GRID2: variants seen among roughly 807,000 people sequenced by gnomAD.
GRID2 encodes the protein glutamate receptor ionotropic, delta-2.
In GRID2, 33 loss-of-function variants were observed where a neutral mutation model predicts 114.8. That is an observed-to-expected ratio of 0.29 (90% CI 0.22 to 0.38). GRID2 has a LOEUF of 0.38. GRID2 is among the 10% of genes least tolerant of loss of function. The pLI, the probability that GRID2 is intolerant of heterozygous loss-of-function variation, is 1.00. For missense variants in GRID2, 1,184 were observed against 1,257.7 expected (o/e 0.94, Z 0.89); for synonymous variants, 505 against 449.9 (o/e 1.12, Z -1.55).
intron 2 of GRID2, among the ~76,000 whole-genome samples, chr4:92,868,172 A>G (rs961479777): frequency 6.6e-6 from 1 of 151,786 alleles, no homozygotes; most frequent in African/African-American, 2.4e-5. Context: ...CTATTACTCC[A>G]TAAACTTTGA....
chr4:93,362,587 A>G (rs1422579746), intron 8 of GRID2, among the ~76,000 whole-genome samples: 4 of 151,984 alleles, frequency 2.6e-5, no homozygotes, highest in Non-Finnish European at 5.9e-5. Flanking sequence ...TTCCCCTTCC[A>G]TAGTGCCTTA....
Position 93,011,896 on chromosome 4 carries a change from T to C in GRID2, c.245-73099T>C, listed in dbSNP as rs1405379105. Reference sequence around the variant, plus strand: ...TTTAAGCTTCCTAAATCGGATCTGCTTCTAGCTTCGGTTTTATAATGTACA... The same window carrying C: ...TTTAAGCTTCCTAAATCGGATCTGCCTCTAGCTTCGGTTTTATAATGTACA... On this transcript the variant is annotated intron_variant, in intron 2 of 15. Transcript: ENST00000282020. Among the ~76,000 whole-genome samples the C allele has an allele frequency of 5.9e-5, 9 of 152,008 alleles. No individual in the cohort carries two copies. In the South Asian group the frequency reaches 1.0e-3, roughly 17 times the overall value.
At chr4:93,178,352 G>C (rs904333371) in intron 4 of GRID2, among the ~76,000 whole-genome samples, 2 of 113,186 alleles carry the variant, frequency 1.8e-5, no homozygotes, top group Non-Finnish European at 3.9e-5. Context: ...TTTATATTTA[G>C]TGCTTATATT....
chr4:93,071,033 G>A (rs1321380701), intron 2 of GRID2, among the ~76,000 whole-genome samples: 3 of 151,970 alleles, frequency 2.0e-5, no homozygotes, highest in Non-Finnish European at 4.4e-5. Context: ...ATATATTCTA[G>A]TCTTATTACA....
intron 8 of GRID2, among the ~76,000 whole-genome samples, chr4:93,284,044 T>C (rs1366977189): frequency 6.6e-6 from 1 of 152,078 alleles, no homozygotes; most frequent in Non-Finnish European, 1.5e-5. Context: ...TTTTTTCACA[T>C]CTAGTTTGAT....
intron 7 of GRID2, among the ~76,000 whole-genome samples, chr4:93,232,296 T>C (rs963380166): frequency 1.3e-5 from 2 of 152,152 alleles, no homozygotes; most frequent in Non-Finnish European, 2.9e-5. Flanking sequence ...TTTCTATGTA[T>C]TCTATATTAG....
chr4:93,769,367 G>T lies in GRID2; in HGVS notation c.2518G>T (p.Ala840Ser), dbSNP rs756406273. Residue 840 changes from alanine (A) to serine (S), a missense_variant, in exon 15 of 16, where the codon GCT (alanine) becomes TCT (serine). By Grantham distance (99) the Ala-to-Ser change is moderately conservative. Coordinates refer to ENST00000282020, the MANE Select transcript of GRID2 (RefSeq NM_001510.4). The part of the protein sequence containing the change: ...SFAGVFCILA[A>S]GIVLSCFIAM... ...TGCAGGGGTCTTTTGTATCCTGGCT[G>T]CTGGAATTGTCCTCTCCTGCTTCAT... The T allele has an allele frequency of 6.2e-6, 10 of 1,613,848 alleles. No individual in the cohort carries two copies. The South Asian group carries it at 9.9e-5, about 16-fold the overall frequency.
intron 8 of GRID2, among the ~76,000 whole-genome samples, chr4:93,257,964 C>T (rs565526313): frequency 4.3e-5 from 6 of 138,666 alleles, no homozygotes; most frequent in Non-Finnish European, 7.6e-5. Context: ...TACATATACA[C>T]ACAATATGTG....
intron 2 of GRID2, among the ~76,000 whole-genome samples, chr4:92,972,770 C>G (rs1254068858): frequency 6.6e-6 from 1 of 152,006 alleles, no homozygotes; most frequent in African/African-American, 2.4e-5. Context: ...CTTCCACCCT[C>G]TGAAAGGCCC....
chr4:93,144,959 C>T (rs1387885126), intron 4 of GRID2, among the ~76,000 whole-genome samples: 1 of 151,120 alleles, frequency 6.6e-6, no homozygotes, highest in East Asian at 2.0e-4. Flanking sequence ...CAGGCCAAAA[C>T]AAAACCATCT....
chr4:93,764,559 G>C (rs1318390407), intron 14 of GRID2, among the ~76,000 whole-genome samples: 1 of 152,100 alleles, frequency 6.6e-6, no homozygotes, highest in Non-Finnish European at 1.5e-5. Flanking sequence ...CACTGAGATC[G>C]TCACGTGTGG....
intron 8 of GRID2, among the ~76,000 whole-genome samples, chr4:93,317,055 G>A (rs1007126267): frequency 6.6e-6 from 1 of 152,040 alleles, no homozygotes; most frequent in African/African-American, 2.4e-5. Context: ...AAGCATTGCA[G>A]GATCATTTTT....
intron 2 of GRID2, among the ~76,000 whole-genome samples, chr4:92,640,102 T>C (rs1165989977): frequency 6.6e-6 from 1 of 151,646 alleles, no homozygotes; most frequent in East Asian, 1.9e-4. Context: ...AATCCTCAAA[T>C]AAAATTAGCT....
At chr4:92,881,373 C>T (rs1255616718) in intron 2 of GRID2, among the ~76,000 whole-genome samples, 1 of 152,108 alleles carries the variant, frequency 6.6e-6, no homozygotes, top group Non-Finnish European at 1.5e-5. Flanking sequence ...TAACATTTAC[C>T]TGTCACTTTC....
intron 2 of GRID2, among the ~76,000 whole-genome samples, chr4:92,648,006 G>T (rs1434781437): frequency 1.3e-5 from 2 of 149,522 alleles, no homozygotes; most frequent in Non-Finnish European, 3.0e-5. Context: ...CCTTTACTTT[G>T]TACCCTGTTA....
At chr4:92,771,212 C>T (rs934676881) in intron 2 of GRID2, among the ~76,000 whole-genome samples, 3 of 152,160 alleles carry the variant, frequency 2.0e-5, no homozygotes, top group African/African-American at 7.2e-5. Context: ...GAAACCTTCT[C>T]CAAAATATTG....
At chr4:93,457,652 G>A (rs1394656683) in intron 11 of GRID2, among the ~76,000 whole-genome samples, 1 of 152,142 alleles carries the variant, frequency 6.6e-6, no homozygotes, top group Admixed American at 6.5e-5. Flanking sequence ...AGCTTTGGGA[G>A]TCAAGAGGAG....
chr4:93,247,573 G>A lies in GRID2; in HGVS notation c.1245+9083G>A, dbSNP rs180808038. 1.2e-3 allele frequency among the ~76,000 whole-genome samples: 178 copies of A among 152,088 alleles called. 3 individuals are homozygous for A. The highest frequency in any genetic ancestry group is 4.2e-3 in the African/African-American group (176 of 41,492). On this transcript the variant is annotated intron_variant, in intron 8 of 15. Transcript: ENST00000282020. Reference sequence around the variant, plus strand: ...GTTCTCGGGCCTTACACCCAGACTGGGACTGACATCATTGGCTCTCTTGTT... The same window carrying A: ...GTTCTCGGGCCTTACACCCAGACTGAGACTGACATCATTGGCTCTCTTGTT...
chr4:92,552,615 G>C (rs563461199), intron 1 of GRID2, among the ~76,000 whole-genome samples: 20 of 152,228 alleles, frequency 1.3e-4, no homozygotes, highest in Non-Finnish European at 2.5e-4. Context: ...TCTTAAGATC[G>C]AATGAAGCAG....
Sources: allele counts gnomAD v4.1 joint callset (sites outside exome capture counted in the v4.1 genomes callset), GRCh38; gene constraint gnomAD v4.1.1; transcripts MANE v1.5; gene names NCBI Gene and HGNC (gene_info 2026-07-23, HGNC 2026-07-21).